UGT8: variants seen among roughly 807,000 people sequenced by gnomAD.
The protein encoded by UGT8 is 2-hydroxyacylsphingosine 1-beta-galactosyltransferase.
Under a neutral mutation model 40.5 loss-of-function variants are expected in UGT8, and 12 were observed. The observed-to-expected ratio is 0.30, with a 90% CI of 0.19 to 0.48. The LOEUF is 0.48. Among genes scored for constraint, UGT8 ranks in the 20% least tolerant of loss-of-function variants. UGT8 has a pLI of 0.99. For synonymous variants in UGT8, 224 were observed against 240.4 expected (o/e 0.93, Z 0.63); for missense variants, 513 against 648.7 (o/e 0.79, Z 2.27).
chr4:114,601,529 T>G (rs1730439108), intron 1 of UGT8, among the ~76,000 whole-genome samples: 2 of 152,258 alleles, frequency 1.3e-5, no homozygotes, highest in Non-Finnish European at 2.9e-5. Flanking sequence ...GCATTGGTAC[T>G]TATTTACATA....
At chr4:114,665,592 T>A (rs987654415) in intron 3 of UGT8, 88 bp from the exon 4 acceptor site, 1 of 1,272,010 alleles carries the variant, frequency 7.9e-7, no homozygotes, top group Non-Finnish European at 1.0e-6. Context: ...ATCAAACATT[T>A]ATTTTAAATC....
Position 114,606,207 on chromosome 4 carries a change from C to G in UGT8, c.-3+7233C>G, listed in dbSNP as rs1464047832. On this transcript the variant is annotated intron_variant, in intron 1 of 5. Coordinates refer to ENST00000310836, the MANE Select transcript of UGT8 (RefSeq NM_001128174.3). ...AGTCTTAATCTGATTCTCCCTCATC[C>G]TCATAATATTCATTATTCAGAGGAG... Among the ~76,000 whole-genome samples the G allele has an allele frequency of 4.6e-5, 7 of 152,108 alleles. No homozygotes were observed. In the East Asian group the frequency reaches 1.3e-3, roughly 29 times the overall value.
At chr4:114,643,718 A>G (rs1733371478) in intron 2 of UGT8, among the ~76,000 whole-genome samples, 1 of 152,088 alleles carries the variant, frequency 6.6e-6, no homozygotes, top group Non-Finnish European at 1.5e-5. Context: ...CTAAGACACT[A>G]AGCATATTAC....
At chr4:114,655,036 C>T (rs957384484) in intron 2 of UGT8, among the ~76,000 whole-genome samples, 2 of 151,484 alleles carry the variant, frequency 1.3e-5, no homozygotes, top group African/African-American at 2.4e-5. Context: ...GACCACTTAC[C>T]AATTCCCGGT....
intron 2 of UGT8, among the ~76,000 whole-genome samples, chr4:114,660,508 G>A (rs1734448713): frequency 6.6e-6 from 1 of 152,062 alleles, no homozygotes; most frequent in African/African-American, 2.4e-5. Flanking sequence ...TTATTTTAGT[G>A]TTAATCCTTT....
chr4:114,629,611 A>G (rs1560681678), intron 2 of UGT8, among the ~76,000 whole-genome samples: 1 of 152,216 alleles, frequency 6.6e-6, no homozygotes, highest in Non-Finnish European at 1.5e-5. Context: ...ATTTCTTGTT[A>G]AAGAAATCTA....
rs928205856 is a variant in UGT8 at position 114,623,276 on chromosome 4, T to G, written c.396T>G (p.Phe132Leu). 3.1e-6 allele frequency: 5 copies of G among 1,614,082 alleles called. No homozygotes were observed. The Admixed American group carries it at 5.0e-5, about 16-fold the overall frequency. Residue 132 changes from phenylalanine to leucine, a missense_variant, in exon 2 of 6, where the codon TTT (phenylalanine) becomes TTG (leucine). By Grantham distance (22) the Phe-to-Leu change is conservative. Transcript: ENST00000310836. ...TCCAGGGTCTGAAGAAAGAAAAATT[T>G]GACCTGCTGCTGGTGGACCCTAATG... Reference protein sequence around the residue: ...ALIQGLKKEKFDLLLVDPNDM... With the variant: ...ALIQGLKKEKLDLLLVDPNDM...
intron 2 of UGT8, among the ~76,000 whole-genome samples, chr4:114,640,531 T>A (rs566829164): frequency 6.6e-6 from 1 of 152,212 alleles, no homozygotes; most frequent in East Asian, 1.9e-4. Context: ...TTCAAAGACA[T>A]ATGCTAGGAG....
In UGT8 at chr4:114,623,416, A is replaced by G; in HGVS notation, c.536A>G (p.Glu179Gly). The change falls in exon 2 of 6, where the codon GAG becomes GGG. Residue 179 changes from glutamate to glycine, a missense_variant. Glu to Gly is a moderately conservative substitution (Grantham distance 98, BLOSUM62 -2). Transcript: ENST00000310836. ...GAPAPLAYVP[E>G]FNSLLTDRMN... ...CCTGCTCCATTAGCATACGTCCCAG[A>G]GTTTAACTCACTCCTCACAGACCGC... 6.2e-7 allele frequency: 1 copy of G among 1,614,190 alleles called. No homozygotes were observed. The highest frequency in any genetic ancestry group is 8.5e-7 in the Non-Finnish European group (1 of 1,180,032).
intron 2 of UGT8, among the ~76,000 whole-genome samples, chr4:114,639,798 C>T (rs1212141773): frequency 1.3e-5 from 2 of 152,152 alleles, no homozygotes; most frequent in African/African-American, 2.4e-5. Context: ...AAGTACTTGG[C>T]ACACAGTAAA....
rs149586932 is a variant in UGT8 at position 114,665,623 on chromosome 4, C to T, written c.966-57C>T. ...AAATCTCATAATTTAATCAGAGAGCCCATACTATGAGTAAGGTTTGATTTT... is the reference window on the plus strand; with the variant it reads ...AAATCTCATAATTTAATCAGAGAGCTCATACTATGAGTAAGGTTTGATTTT... On this transcript the variant is annotated intron_variant, in intron 3 of 5. Transcript: ENST00000310836. 159 of 1,444,478 alleles carry T rather than the reference C, an allele frequency of 1.1e-4. 2 individuals carry two copies. In the East Asian group the frequency reaches 3.9e-3, roughly 35 times the overall value. 89.5% of individuals were successfully genotyped at this position (1,444,478 alleles called of 1,614,324 possible). A position where few individuals can be genotyped will look rare whatever the true frequency, so the allele number is the denominator to read the frequency against.
At chr4:114,655,715 C>G (rs766722196) in intron 2 of UGT8, among the ~76,000 whole-genome samples, 2 of 151,892 alleles carry the variant, frequency 1.3e-5, no homozygotes, top group Non-Finnish European at 2.9e-5. Context: ...CATTTTTCTG[C>G]ATAATCACAA....
intron 1 of UGT8, among the ~76,000 whole-genome samples, chr4:114,603,139 T>C (rs1274526584): frequency 7.2e-5 from 11 of 151,958 alleles, no homozygotes; most frequent in Admixed American, 7.2e-4. Context: ...GAGTGGGTGG[T>C]ATAGGAGGAT....
chr4:114,603,342 G>C (rs1199812398), intron 1 of UGT8, among the ~76,000 whole-genome samples: 1 of 152,176 alleles, frequency 6.6e-6, no homozygotes. Context: ...TAGATAAATG[G>C]ATAGACACAC....
At chr4:114,636,737 T>C (rs1040276302) in intron 2 of UGT8, among the ~76,000 whole-genome samples, 1 of 152,090 alleles carries the variant, frequency 6.6e-6, no homozygotes, top group African/African-American at 2.4e-5. Context: ...CCCGCTGCCT[T>C]CTCCACTCTG....
intron 1 of UGT8, among the ~76,000 whole-genome samples, chr4:114,609,678 G>A (rs867090489): frequency 6.6e-6 from 1 of 152,058 alleles, no homozygotes; most frequent in Admixed American, 6.5e-5. Context: ...AGTAGGATTT[G>A]GTTGTTTGTC....
chr4:114,655,424 C>A (rs1300331975), intron 2 of UGT8, among the ~76,000 whole-genome samples: 1 of 151,932 alleles, frequency 6.6e-6, no homozygotes, highest in African/African-American at 2.4e-5. Context: ...GGGGCTTATT[C>A]TAGGTGGTGG....
intron 2 of UGT8, among the ~76,000 whole-genome samples, chr4:114,647,143 A>G (rs1231360027): frequency 6.6e-6 from 1 of 152,196 alleles, no homozygotes; most frequent in African/African-American, 2.4e-5. Flanking sequence ...AAATATATCA[A>G]TTATAACTTT....
intron 2 of UGT8, among the ~76,000 whole-genome samples, chr4:114,647,650 G>A (rs1733658244): frequency 2.6e-5 from 4 of 152,084 alleles, no homozygotes; most frequent in Admixed American, 2.0e-4. Flanking sequence ...ACAGGCATGA[G>A]CCACCAGAAT....
Sources: allele counts gnomAD v4.1 joint callset (sites outside exome capture counted in the v4.1 genomes callset), GRCh38; gene constraint gnomAD v4.1.1; transcripts MANE v1.5; gene names NCBI Gene and HGNC (gene_info 2026-07-23, HGNC 2026-07-21).